Variants in DPT observed in about 807,000 individuals in gnomAD.
DPT encodes dermatopontin.
In DPT, 21 loss-of-function variants were observed where a neutral mutation model predicts 31.2. The observed-to-expected ratio is 0.67, with a 90% CI of 0.48 to 0.97. The LOEUF is 0.97. DPT is among the 50% of genes least tolerant of loss of function. The pLI is 0.00. For missense variants in DPT, 262 were observed against 258.8 expected, an observed-to-expected ratio of 1.01 and a Z score of -0.08; for synonymous variants, 91 against 86.9, an observed-to-expected ratio of 1.05 and a Z score of -0.26.
intron 2 of DPT, among the ~76,000 whole-genome samples, chr1:168,710,300 A>G (rs1428813472): frequency 2.1e-5 from 2 of 96,990 alleles, no homozygotes. Flanking sequence ...ATGCCTTCAG[A>G]AATAGAACCA....
intron 3 of DPT, among the ~76,000 whole-genome samples, chr1:168,700,326 C>T (rs1649566626): frequency 6.6e-6 from 1 of 152,188 alleles, no homozygotes; most frequent in Non-Finnish European, 1.5e-5. Context: ...GACACTGAAC[C>T]TGCTGGCACC....
At chr1:168,705,684 T>G (rs1649704330) in intron 2 of DPT, among the ~76,000 whole-genome samples, 1 of 152,230 alleles carries the variant, frequency 6.6e-6, no homozygotes. Flanking sequence ...TCTCTACCAC[T>G]CAATTAGCAC....
intron 2 of DPT, among the ~76,000 whole-genome samples, chr1:168,709,149 G>A (rs1373846233): frequency 1.3e-5 from 2 of 152,192 alleles, no homozygotes; most frequent in African/African-American, 4.8e-5. Flanking sequence ...GAAAGGCCAT[G>A]GGTCTGGAGA....
chr1:168,701,461 A>G (rs1649595763), intron 2 of DPT, among the ~76,000 whole-genome samples: 1 of 152,246 alleles, frequency 6.6e-6, no homozygotes, highest in Admixed American at 6.5e-5. Context: ...CAATGTTTTC[A>G]AATTTTAGAT....
chr1:168,712,161 T>A (rs947772106), intron 2 of DPT, among the ~76,000 whole-genome samples: 2 of 152,138 alleles, frequency 1.3e-5, no homozygotes, highest in Non-Finnish European at 1.5e-5. Flanking sequence ...ACACTGGAAG[T>A]CCAGGTAGAG....
intron 3 of DPT, among the ~76,000 whole-genome samples, chr1:168,697,581 G>C (rs74122744): frequency 0.029 from 4,482 of 152,254 alleles, 231 homozygotes; most frequent in African/African-American, 0.1. Context: ...CTTTGCTCAG[G>C]GTGAATTTAT....
In DPT at chr1:168,728,905, G is replaced by C; in HGVS notation, c.270C>G (p.Cys90Trp). The part of the protein sequence containing the change: ...TPQSLGEPTE[C>W]WWEEINRAGM... ...CAGCCCTGTTGATCTCCTCCCACCA[G>C]CACTCCGTGGGTTCCCCGAGGCTCT... Residue 90 changes from cysteine (C) to tryptophan (W), a missense_variant, in exon 1 of 4, where the codon TGC becomes TGG. Physicochemically the swap from Cys to Trp is radical, Grantham distance 215. Coordinates refer to ENST00000367817, the MANE Select transcript of DPT (RefSeq NM_001937.5). 1 of 1,614,212 alleles carries C rather than the reference G, an allele frequency of 6.2e-7. No individual in the cohort carries two copies. Among genetic ancestry groups the C allele is most frequent in the Non-Finnish European group, 8.5e-7 (1 of 1,180,032 alleles).
At chr1:168,707,744 T>C (rs1649754773) in intron 2 of DPT, among the ~76,000 whole-genome samples, 3 of 152,222 alleles carry the variant, frequency 2.0e-5, no homozygotes, top group Admixed American at 2.0e-4. Context: ...CTGATGGTTT[T>C]ATAAGGGGCT....
chr1:168,702,510 CTTAACGAGTTCATGA>C (rs1649620500), intron 2 of DPT, among the ~76,000 whole-genome samples: 1 of 151,958 alleles, frequency 6.6e-6, no homozygotes, highest in African/African-American at 2.4e-5. Flanking sequence ...TGTGTTTTTG[CTTAACGAGTTCATGA>C]AGGGAAATAA....
chr1:168,697,997 A>G (rs549323648), intron 3 of DPT, among the ~76,000 whole-genome samples: 9 of 152,198 alleles, frequency 5.9e-5, no homozygotes, highest in African/African-American at 1.9e-4. Flanking sequence ...AATTATGCAA[A>G]TCATTCCAAA....
At chr1:168,716,246 T>A (rs558149928) in intron 1 of DPT, among the ~76,000 whole-genome samples, 1 of 152,358 alleles carries the variant, frequency 6.6e-6, no homozygotes, top group African/African-American at 2.4e-5. Context: ...ATTTATTTAT[T>A]CATTCATTTA....
intron 1 of DPT, among the ~76,000 whole-genome samples, chr1:168,721,537 C>T (rs1255159075): frequency 1.3e-5 from 2 of 152,152 alleles, no homozygotes; most frequent in African/African-American, 4.8e-5. Context: ...TAGAAATTGT[C>T]AGGATTGAAC....
chr1:168,717,230 T>G (rs1245225156), intron 1 of DPT, among the ~76,000 whole-genome samples: 1 of 152,230 alleles, frequency 6.6e-6, no homozygotes, highest in African/African-American at 2.4e-5. Flanking sequence ...GTTCTTGGCT[T>G]TTTAATAAAC....
At chr1:168,719,662 C>T (rs1295680863) in intron 1 of DPT, among the ~76,000 whole-genome samples, 1 of 151,930 alleles carries the variant, frequency 6.6e-6, no homozygotes, top group African/African-American at 2.4e-5. Flanking sequence ...CTAACAGTCA[C>T]CAATACGATG....
intron 1 of DPT, among the ~76,000 whole-genome samples, chr1:168,725,632 T>C (rs183982503): frequency 2.0e-5 from 3 of 152,278 alleles, no homozygotes; most frequent in African/African-American, 7.2e-5. Context: ...TAGTTGTTAG[T>C]GCCAGAGACC....
At chr1:168,720,319 T>C (rs900610035) in intron 1 of DPT, among the ~76,000 whole-genome samples, 4 of 152,208 alleles carry the variant, frequency 2.6e-5, no homozygotes, top group African/African-American at 7.2e-5. Flanking sequence ...CTGATTGGTA[T>C]GCTGGACAGG....
chr1:168,713,516 C>T (rs1649911241), intron 2 of DPT, among the ~76,000 whole-genome samples: 1 of 152,142 alleles, frequency 6.6e-6, no homozygotes, highest in South Asian at 2.1e-4. Flanking sequence ...GCAGAAATGC[C>T]TGGCTCATTT....
chr1:168,710,457 G>A (rs1202162451), intron 2 of DPT, among the ~76,000 whole-genome samples: 1 of 152,164 alleles, frequency 6.6e-6, no homozygotes, highest in African/African-American at 2.4e-5. Context: ...GAAGGGTAAA[G>A]GGTATGGGGG....
intron 1 of DPT, among the ~76,000 whole-genome samples, chr1:168,717,353 CT>C (rs1406847424): frequency 2.0e-5 from 3 of 152,266 alleles, no homozygotes; most frequent in East Asian, 3.9e-4. Flanking sequence ...TAAATGTCTT[CT>C]TTTGAGAAGT....
Sources: gnomAD v4.1 joint callset for allele counts (sites outside exome capture counted in the v4.1 genomes callset) on GRCh38, gnomAD v4.1.1 for gene constraint, MANE v1.5 for transcripts, NCBI Gene and HGNC (gene_info 2026-07-23, HGNC 2026-07-21) for gene names.